Variants in TMEM91 observed in about 807,000 individuals in gnomAD.
The protein encoded by TMEM91 is dispanin subfamily C member 3.
In TMEM91, 6 loss-of-function variants were observed where a neutral mutation model predicts 13.3. The ratio of observed to expected loss-of-function variants is 0.45; its 90% confidence interval spans 0.25 to 0.89. The LOEUF is 0.89. Ranked by LOEUF, TMEM91 falls within the 40% of genes least tolerant of loss-of-function variation. The pLI is 0.19. For synonymous variants in TMEM91, 87 were observed against 101.7 expected (o/e 0.86, Z 0.87); for missense variants, 193 against 228.7 (o/e 0.84, Z 1.01).
At chr19:41,380,588 A>G (rs1404290363) in intron 2 of TMEM91, among the ~76,000 whole-genome samples, 1 of 151,796 alleles carries the variant, frequency 6.6e-6, no homozygotes, top group Non-Finnish European at 1.5e-5. Flanking sequence ...CAGCCTGACC[A>G]ATGTAGGGAA....
At chr19:41,366,091 G>C (rs550130413) in intron 1 of TMEM91, among the ~76,000 whole-genome samples, 2 of 104,076 alleles carry the variant, frequency 1.9e-5, no homozygotes, top group South Asian at 5.7e-4. Context: ...ATCTTGCTCT[G>C]TTGCCCAGGC....
chr19:41,366,973 C>T (rs1326476392), intron 1 of TMEM91, among the ~76,000 whole-genome samples: 2 of 151,064 alleles, frequency 1.3e-5, no homozygotes, highest in African/African-American at 4.9e-5. Context: ...AACCCTGTCT[C>T]TACTAAAAAA....
upstream of TMEM91, among the ~76,000 whole-genome samples, chr19:41,375,673 G>A (rs2038703394): frequency 6.6e-6 from 1 of 151,536 alleles, no homozygotes; most frequent in Non-Finnish European, 1.5e-5. Flanking sequence ...AACAAAATAG[G>A]CCAGGCGCGG....
intron 1 of TMEM91, among the ~76,000 whole-genome samples, chr19:41,377,703 T>C (rs951578263): frequency 6.6e-6 from 1 of 151,890 alleles, no homozygotes; most frequent in Admixed American, 6.6e-5. Context: ...TATGTGGCTT[T>C]TGCCTGAGAG....
At chr19:41,378,577 A>G in intron 2 of TMEM91, 58 bp downstream of exon 2, 1 of 1,570,770 alleles carries the variant, frequency 6.4e-7, no homozygotes, top group Non-Finnish European at 8.7e-7. Context: ...GAGCCCCACT[A>G]AGGCCAGCAT....
intron 2 of TMEM91, among the ~76,000 whole-genome samples, chr19:41,378,828 G>C (rs1310992597): frequency 9.1e-5 from 12 of 131,546 alleles, no homozygotes; most frequent in Non-Finnish European, 3.2e-5. Context: ...GTGTGTGAGA[G>C]AGAGAGAGAG....
At chr19:41,371,323 T>G in intron 1 of TMEM91, among the ~76,000 whole-genome samples, 1 of 139,106 alleles carries the variant, frequency 7.2e-6, no homozygotes, top group South Asian at 2.3e-4. Context: ...CCTTCCTTCC[T>G]TCCTTCCTTC....
upstream of TMEM91, chr19:41,376,261 T>G (rs1334123989): frequency 6.6e-6 from 1 of 152,238 alleles, no homozygotes; most frequent in Non-Finnish European, 1.5e-5. Flanking sequence ...GGGTACAGTC[T>G]GCCCTCAATG....
upstream of TMEM91, among the ~76,000 whole-genome samples, chr19:41,374,802 G>A (rs2038679382): frequency 6.6e-6 from 1 of 152,062 alleles, no homozygotes; most frequent in African/African-American, 2.4e-5. Flanking sequence ...TGACTCATAT[G>A]GAGAAACCCC....
chr19:41,370,482 C>T (rs1296225750), intron 1 of TMEM91, among the ~76,000 whole-genome samples: 1 of 151,970 alleles, frequency 6.6e-6, no homozygotes, highest in Non-Finnish European at 1.5e-5. Flanking sequence ...TGTCAGCTCA[C>T]TGCAACCTCC....
intron 2 of TMEM91, among the ~76,000 whole-genome samples, chr19:41,380,863 G>A (rs192425856): frequency 2.1e-5 from 3 of 145,396 alleles, no homozygotes; most frequent in African/African-American, 7.7e-5. Flanking sequence ...GCAGTGAGCC[G>A]AGATCACGCC....
chr19:41,382,718 A>G (rs2038918984), intron 2 of TMEM91, 54 bp from the exon 3 acceptor site: 2 of 1,585,918 alleles, frequency 1.3e-6, no homozygotes, highest in Non-Finnish European at 8.6e-7. Context: ...GAGCAGAGCA[A>G]TGGGGCAGGA....
intron 1 of TMEM91, among the ~76,000 whole-genome samples, chr19:41,368,025 C>T (rs752966826): frequency 1.3e-5 from 2 of 152,076 alleles, no homozygotes; most frequent in African/African-American, 4.8e-5. Context: ...CTGCATGCTA[C>T]GTGACTCAGG....
intron 2 of TMEM91, among the ~76,000 whole-genome samples, 167 bp from the exon 3 acceptor site, chr19:41,382,605 C>G (rs1272218939): frequency 6.6e-6 from 1 of 152,188 alleles, no homozygotes; most frequent in African/African-American, 2.4e-5. Flanking sequence ...CAGAGCAAAA[C>G]TCCGTCTCAA....
At chr19:41,367,368 C>T (rs1286508944) in intron 1 of TMEM91, among the ~76,000 whole-genome samples, 1 of 151,956 alleles carries the variant, frequency 6.6e-6, no homozygotes, top group African/African-American at 2.4e-5. Context: ...CGCGGTGGCT[C>T]ACGCCTGTAA....
intron 3 of TMEM91, 135 bp from the exon 4 acceptor site, chr19:41,383,580 A>G (rs1466544496): frequency 1.9e-6 from 3 of 1,613,684 alleles, no homozygotes; most frequent in Admixed American, 3.3e-5. Flanking sequence ...TGCCTGACCT[A>G]TAGTAGGTGC....
At chr19:41,372,037 GT>G (rs2038632935), upstream of TMEM91, among the ~76,000 whole-genome samples, 1 of 150,498 alleles carries the variant, frequency 6.6e-6, no homozygotes, top group Non-Finnish European at 1.5e-5. Flanking sequence ...TTTTTTTTAA[GT>G]TTTGGAGAGA....
upstream of TMEM91, among the ~76,000 whole-genome samples, chr19:41,375,600 C>T (rs1416414951): frequency 2.7e-5 from 4 of 149,988 alleles, no homozygotes; most frequent in African/African-American, 9.8e-5. Context: ...TCTTTATCTG[C>T]AAAACAGGGA....
At chr19:41,371,748 ACTACT>A (rs575233716), upstream of TMEM91, among the ~76,000 whole-genome samples, 90 of 152,004 alleles carry the variant, frequency 5.9e-4, no homozygotes, top group African/African-American at 1.5e-3. Flanking sequence ...TGTGAATGTG[ACTACT>A]CTAAGTACGT....
Sources: allele counts gnomAD v4.1 joint callset (sites outside exome capture counted in the v4.1 genomes callset), GRCh38; gene constraint gnomAD v4.1.1; transcripts MANE v1.5; gene names NCBI Gene and HGNC (gene_info 2026-07-23, HGNC 2026-07-21).